Variants in SNTG1 observed in about 807,000 individuals in gnomAD.
The protein encoded by SNTG1 is gamma-1-syntrophin.
Under a neutral mutation model 74.7 loss-of-function variants are expected in SNTG1, and 39 were observed. The observed-to-expected ratio is 0.52, with a 90% confidence interval of 0.40 to 0.68. SNTG1 has a LOEUF of 0.68. Among genes scored for constraint, SNTG1 ranks in the 30% least tolerant of loss-of-function variants. SNTG1 has a pLI of 0.00. For missense variants in SNTG1, 685 were observed against 609.5 expected, an observed-to-expected ratio of 1.12 and a Z score of -1.30; for synonymous variants, 254 against 217.1, an observed-to-expected ratio of 1.17 and a Z score of -1.49.
At position 49,928,510 on chromosome 8, in the gene SNTG1, T is replaced by C. The variant is rs530533701; in HGVS notation, c.-103+16279T>C. On this transcript the variant is annotated intron_variant, in intron 1 of 18. Transcript: ENST00000642720. ...CCTCCCAAAGTGCTGGGATTATAAG[T>C]GTGAGCCACCGCGACCGGCCAGAGA... Among the ~76,000 whole-genome samples the C allele has an allele frequency of 5.9e-5, 9 of 152,080 alleles. No individual in the cohort carries two copies. In the East Asian group the frequency reaches 1.6e-3, roughly 26 times the overall value.
In SNTG1 at chr8:50,449,711, C is replaced by A. The variant is rs1180106361; in HGVS notation, c.263C>A (p.Ser88Tyr). 8.1e-6 allele frequency: 13 copies of A among 1,597,440 alleles called. No homozygotes were observed. The highest frequency in any genetic ancestry group is 1.1e-5 in the Non-Finnish European group (13 of 1,170,460). Reference protein sequence around the residue: ...HNIPVVVSKISKEQRAELSGL... With the variant: ...HNIPVVVSKIYKEQRAELSGL... ...ATTCCAGTTGTCGTTTCAAAAATCT[C>A]CAAGGAACAAAGAGGTAATATGTTT... The change falls in exon 6 of 19, where the codon TCC becomes TAC. Residue 88 changes from serine (S) to tyrosine (Y), a missense_variant. Coordinates refer to ENST00000642720, the MANE Select transcript of SNTG1 (RefSeq NM_018967.5).
intron 1 of SNTG1, among the ~76,000 whole-genome samples, chr8:50,020,084 G>A (rs1431003521): frequency 6.6e-6 from 1 of 152,078 alleles, no homozygotes; most frequent in Admixed American, 6.6e-5. Flanking sequence ...TCTATCTTCA[G>A]CATGGGATTC....
At chr8:50,241,139 G>C (rs1212062125) in intron 2 of SNTG1, among the ~76,000 whole-genome samples, 1 of 152,114 alleles carries the variant, frequency 6.6e-6, no homozygotes, top group African/African-American at 2.4e-5. Context: ...AAAAAGTTCT[G>C]ATACACTTAT....
intron 1 of SNTG1, among the ~76,000 whole-genome samples, chr8:49,963,415 C>T (rs1196999554): frequency 6.6e-6 from 1 of 152,198 alleles, no homozygotes; most frequent in Non-Finnish European, 1.5e-5. Context: ...TGTTCATTTT[C>T]ATACTGCTGT....
At chr8:49,968,344 T>C (rs1811341886) in intron 1 of SNTG1, among the ~76,000 whole-genome samples, 1 of 152,210 alleles carries the variant, frequency 6.6e-6, no homozygotes, top group African/African-American at 2.4e-5. Flanking sequence ...TTTTGTCTCA[T>C]GTAAAGATCA....
intron 2 of SNTG1, among the ~76,000 whole-genome samples, chr8:50,182,407 T>C (rs867984297): frequency 2.0e-5 from 3 of 152,182 alleles, no homozygotes; most frequent in African/African-American, 7.2e-5. Context: ...ATTAAACCAT[T>C]TTTATATTGC....
chr8:50,367,768 T>C (rs1195823534), intron 2 of SNTG1, among the ~76,000 whole-genome samples: 1 of 151,778 alleles, frequency 6.6e-6, no homozygotes, highest in Non-Finnish European at 1.5e-5. Flanking sequence ...TGGTCAACCA[T>C]TGTATTGTAT....
intron 2 of SNTG1, among the ~76,000 whole-genome samples, chr8:50,240,126 A>G (rs868752176): frequency 1.8e-4 from 27 of 152,220 alleles, no homozygotes; most frequent in African/African-American, 6.5e-4. Flanking sequence ...GAGAGAGCTC[A>G]TTAATATGCC....
intron 2 of SNTG1, among the ~76,000 whole-genome samples, chr8:50,215,881 T>C (rs1232244943): frequency 6.6e-6 from 1 of 152,194 alleles, no homozygotes; most frequent in Non-Finnish European, 1.5e-5. Flanking sequence ...TTATGAGTAA[T>C]ATGCAGTTTA....
rs1196241021 is a variant in SNTG1 at position 50,631,532 on chromosome 8, CA to C, written c.850-25373del. On this transcript the variant is annotated intron_variant, in intron 13 of 18. Coordinates refer to ENST00000642720, the MANE Select transcript of SNTG1 (RefSeq NM_018967.5). ...ATTAACAGTGAATGACTCTGAATCG[CA>C]AAACCAAAGGACTTATTCAAGGGGG... Among the ~76,000 whole-genome samples, 4 of 152,084 alleles carry C rather than the reference CA, an allele frequency of 2.6e-5. No individual in the cohort carries two copies. The South Asian group carries it at 8.3e-4, about 32-fold the overall frequency.
intron 18 of SNTG1, among the ~76,000 whole-genome samples, chr8:50,775,501 C>T (rs1420775023): frequency 6.6e-6 from 1 of 151,594 alleles, no homozygotes; most frequent in East Asian, 1.9e-4. Flanking sequence ...CCTTCTATGA[C>T]TTTAATTATT....
At chr8:50,583,938 A>T (rs934456284) in intron 12 of SNTG1, among the ~76,000 whole-genome samples, 1 of 151,802 alleles carries the variant, frequency 6.6e-6, no homozygotes, top group Non-Finnish European at 1.5e-5. Context: ...CCACCCCACG[A>T]CAGGCCCCAG....
At chr8:50,736,988 G>A (rs901968978) in intron 17 of SNTG1, among the ~76,000 whole-genome samples, 1 of 151,626 alleles carries the variant, frequency 6.6e-6, no homozygotes, top group African/African-American at 2.4e-5. Context: ...TACCCTATCA[G>A]CACAATTAAA....
chr8:50,465,410 A>G (rs1184791268), intron 8 of SNTG1, among the ~76,000 whole-genome samples: 1 of 152,160 alleles, frequency 6.6e-6, no homozygotes, highest in Non-Finnish European at 1.5e-5. Context: ...TTCTCTTGTC[A>G]CATTCTGCAT....
At chr8:50,567,654 G>A (rs1409649786) in intron 12 of SNTG1, among the ~76,000 whole-genome samples, 1 of 151,836 alleles carries the variant, frequency 6.6e-6, no homozygotes, top group Non-Finnish European at 1.5e-5. Flanking sequence ...CAGTGTGATG[G>A]TCAAATTAAT....
At chr8:50,704,335 G>T (rs180795938) in intron 15 of SNTG1, among the ~76,000 whole-genome samples, 2 of 152,136 alleles carry the variant, frequency 1.3e-5, no homozygotes, top group African/African-American at 4.8e-5. Flanking sequence ...TATGTTAAAT[G>T]CTTTGGTGGT....
At chr8:50,084,227 C>T (rs1387926787) in intron 1 of SNTG1, among the ~76,000 whole-genome samples, 2 of 152,118 alleles carry the variant, frequency 1.3e-5, no homozygotes, top group South Asian at 4.2e-4. Flanking sequence ...CTTGGGAAGC[C>T]GAGGCAGGAA....
At chr8:50,061,715 T>C (rs1316524609) in intron 1 of SNTG1, among the ~76,000 whole-genome samples, 1 of 152,182 alleles carries the variant, frequency 6.6e-6, no homozygotes, top group Non-Finnish European at 1.5e-5. Context: ...TATATATTTT[T>C]AGATTTCCTT....
chr8:50,452,652 G>T (rs1243220977), intron 8 of SNTG1, among the ~76,000 whole-genome samples: 1 of 152,182 alleles, frequency 6.6e-6, no homozygotes, highest in Admixed American at 6.5e-5. Flanking sequence ...ATAAAGGAAA[G>T]AAATTTGGGA....
Sources: allele counts gnomAD v4.1 joint callset (sites outside exome capture counted in the v4.1 genomes callset), GRCh38; gene constraint gnomAD v4.1.1; transcripts MANE v1.5; gene names NCBI Gene and HGNC (gene_info 2026-07-23, HGNC 2026-07-21).